The following KCNMB2 variants were observed in gnomAD, a reference collection of about 807,000 sequenced individuals.
KCNMB2 encodes calcium-activated potassium channel subunit beta-2.
A neutral mutation model predicts 24.5 loss-of-function variants in KCNMB2; 9 were observed. The ratio of observed to expected loss-of-function variants is 0.37; its 90% CI spans 0.22 to 0.64. The LOEUF is 0.64. Ranked by LOEUF, KCNMB2 falls within the 30% of genes least tolerant of loss-of-function variation. The pLI, the probability that KCNMB2 is intolerant of heterozygous loss-of-function variation, is 0.63. For missense variants in KCNMB2, 226 were observed against 284.3 expected, an observed-to-expected ratio of 0.79 and a Z score of 1.47; for synonymous variants, 109 against 104.4, an observed-to-expected ratio of 1.04 and a Z score of -0.27.
intron 1 of KCNMB2, among the ~76,000 whole-genome samples, chr3:178,722,077 C>G (rs996109603): frequency 2.6e-5 from 4 of 152,082 alleles, no homozygotes; most frequent in Non-Finnish European, 2.9e-5. Flanking sequence ...TACAATTTAC[C>G]CTTTTTGGTG....
intron 1 of KCNMB2, among the ~76,000 whole-genome samples, chr3:178,803,269 G>A (rs544212619): frequency 1.3e-5 from 2 of 152,230 alleles, no homozygotes; most frequent in East Asian, 3.9e-4. Flanking sequence ...ATCAGGCCAT[G>A]TTGCCCTATC....
intron 1 of KCNMB2, among the ~76,000 whole-genome samples, chr3:178,563,447 A>G (rs1716396538): frequency 6.6e-6 from 1 of 152,104 alleles, no homozygotes. Context: ...TGAAAAGCCC[A>G]CCCAGACTTG....
chr3:178,591,200 C>G (rs1717658446), intron 1 of KCNMB2, among the ~76,000 whole-genome samples: 1 of 152,120 alleles, frequency 6.6e-6, no homozygotes, highest in Admixed American at 6.6e-5. Flanking sequence ...GAAAAAAAAC[C>G]TCAAACATCC....
At position 178,604,071 on chromosome 3, in the gene KCNMB2, C is replaced by T. The variant is rs138249524; in HGVS notation, c.-68+67360C>T. Among the ~76,000 whole-genome samples the T allele has an allele frequency of 7.2e-5, 11 of 152,272 alleles. No individual in the cohort carries two copies. The East Asian group carries it at 2.1e-3, about 29-fold the overall frequency. ...TCTTTCTCTAAAGGGCATCCTGTTTCTGATCTTAGTCTTTCATCACCTCAT... is the reference window on the plus strand; with the variant it reads ...TCTTTCTCTAAAGGGCATCCTGTTTTTGATCTTAGTCTTTCATCACCTCAT... On this transcript the variant is annotated intron_variant, in intron 1 of 4. Coordinates refer to ENST00000452583, the MANE Select transcript of KCNMB2 (RefSeq NM_181361.3).
chr3:178,632,614 T>G (rs1199394763), intron 1 of KCNMB2, among the ~76,000 whole-genome samples: 1 of 152,168 alleles, frequency 6.6e-6, no homozygotes, highest in Non-Finnish European at 1.5e-5. Context: ...GTCCCTCCCA[T>G]GACACATGGG....
chr3:178,791,945 A>T (rs558804797), intron 1 of KCNMB2, among the ~76,000 whole-genome samples: 8 of 152,176 alleles, frequency 5.3e-5, no homozygotes, highest in Non-Finnish European at 1.2e-4. Context: ...GACAAAGAAA[A>T]GCTGAGGGAT....
At chr3:178,646,769 G>T (rs1719938810) in intron 1 of KCNMB2, among the ~76,000 whole-genome samples, 1 of 152,160 alleles carries the variant, frequency 6.6e-6, no homozygotes, top group Non-Finnish European at 1.5e-5. Flanking sequence ...CCTGGTGACA[G>T]AATTCATTAA....
chr3:178,720,294 T>A, intron 1 of KCNMB2, among the ~76,000 whole-genome samples: 1 of 148,200 alleles, frequency 6.7e-6, no homozygotes, highest in Non-Finnish European at 1.5e-5. Context: ...TCCATGTCCC[T>A]ACAAAGGACA....
chr3:178,717,622 C>A (rs1369068410), intron 1 of KCNMB2, among the ~76,000 whole-genome samples: 1 of 152,282 alleles, frequency 6.6e-6, no homozygotes, highest in African/African-American at 2.4e-5. Flanking sequence ...ATTGAAATAG[C>A]TTCAGGGAGG....
chr3:178,604,211 G>A (rs1718195914), intron 1 of KCNMB2, among the ~76,000 whole-genome samples: 1 of 152,140 alleles, frequency 6.6e-6, no homozygotes, highest in African/African-American at 2.4e-5. Context: ...GGTGAGAAAG[G>A]AAATTAAACC....
In KCNMB2 at chr3:178,638,126, G is replaced by A. The variant is rs142122431; in HGVS notation, c.-68+101415G>A. ...TGGATTTCCACAATACCTAATTTGC[G>A]GCCTCACTTATTTTCTCTGTCTTCC... On this transcript the variant is annotated intron_variant, in intron 1 of 4. Transcript: ENST00000452583. 5.6e-4 allele frequency among the ~76,000 whole-genome samples: 85 copies of A among 152,032 alleles called. 1 individual carries two copies. Among genetic ancestry groups the A allele is most frequent in the African/African-American group, 1.8e-3 (73 of 41,472 alleles).
At chr3:178,568,730 GA>G (rs1185963965) in intron 1 of KCNMB2, among the ~76,000 whole-genome samples, 1 of 151,716 alleles carries the variant, frequency 6.6e-6, no homozygotes, top group African/African-American at 2.4e-5. Flanking sequence ...AATGTGTAGA[GA>G]AATCTTTAAG....
chr3:178,689,812 C>G (rs1721604091), intron 1 of KCNMB2, among the ~76,000 whole-genome samples: 1 of 152,142 alleles, frequency 6.6e-6, no homozygotes, highest in Admixed American at 6.5e-5. Context: ...GGTCTTCTCA[C>G]TCTAGTGACA....
chr3:178,805,087 C>G (rs1713912327), intron 1 of KCNMB2, among the ~76,000 whole-genome samples: 2 of 152,170 alleles, frequency 1.3e-5, no homozygotes, highest in South Asian at 4.1e-4. Flanking sequence ...AATCTAGTGT[C>G]TAGGGCATCC....
chr3:178,709,933 T>C (rs1043070698), intron 1 of KCNMB2, among the ~76,000 whole-genome samples: 1 of 152,090 alleles, frequency 6.6e-6, no homozygotes, highest in Non-Finnish European at 1.5e-5. Context: ...GTGCAAAATA[T>C]AGTTAGGGTC....
rs76143567 is a variant in KCNMB2 at position 178,643,355 on chromosome 3, C to T, written c.-68+106644C>T. Among the ~76,000 whole-genome samples, 1,088 of 152,218 alleles carry T rather than the reference C, an allele frequency of 7.1e-3. 12 individuals are homozygous for T. The highest frequency in any genetic ancestry group is 0.025 in the African/African-American group (1,055 of 41,542). ...AGTGTCTTGATTGTAGTAGTGTTTA[C>T]ATGAGGCTAAACATGTGATAAAGTT... On this transcript the variant is annotated intron_variant, in intron 1 of 4. Coordinates refer to ENST00000452583, the MANE Select transcript of KCNMB2 (RefSeq NM_181361.3).
intron 4 of KCNMB2, among the ~76,000 whole-genome samples, chr3:178,840,387 G>A (rs1438956691): frequency 6.6e-6 from 1 of 152,158 alleles, no homozygotes; most frequent in Non-Finnish European, 1.5e-5. Flanking sequence ...TATCCTTCTG[G>A]GGTCTGAAGG....
In KCNMB2 at chr3:178,637,929, T is replaced by C. The variant is rs148630812; in HGVS notation, c.-68+101218T>C. Among the ~76,000 whole-genome samples, 76 of 152,256 alleles carry C rather than the reference T, an allele frequency of 5.0e-4. 1 individual carries two copies. Among genetic ancestry groups the C allele is most frequent in the African/African-American group, 1.7e-3 (72 of 41,552 alleles). Reference sequence around the variant, plus strand: ...AATCCTGAATCTTCTAATACTTCTGTTTTTATTGAGGAGTCCCAGCACCCT... The same window carrying C: ...AATCCTGAATCTTCTAATACTTCTGCTTTTATTGAGGAGTCCCAGCACCCT... On this transcript the variant is annotated intron_variant, in intron 1 of 4. Coordinates refer to ENST00000452583, the MANE Select transcript of KCNMB2 (RefSeq NM_181361.3).
chr3:178,617,667 A>T (rs1718757493), intron 1 of KCNMB2, among the ~76,000 whole-genome samples: 1 of 152,132 alleles, frequency 6.6e-6, no homozygotes, highest in African/African-American at 2.4e-5. Context: ...AGGCAGGCGG[A>T]TCACAAGGTC....
Sources: gnomAD v4.1 joint callset for allele counts (sites outside exome capture counted in the v4.1 genomes callset) on GRCh38, gnomAD v4.1.1 for gene constraint, MANE v1.5 for transcripts, NCBI Gene and HGNC (gene_info 2026-07-23, HGNC 2026-07-21) for gene names.